OSCP1: variants seen among roughly 807,000 people sequenced by gnomAD.
OSCP1 encodes the protein protein OSCP1.
OSCP1 carries 35 observed loss-of-function variants against 45.1 expected under a neutral mutation model. The observed-to-expected ratio is 0.78, with a 90% CI of 0.59 to 1.03. The LOEUF (loss-of-function observed/expected upper bound fraction) is 1.03. Among genes scored for constraint, OSCP1 ranks in the 50% least tolerant of loss-of-function variants. The probability of loss-of-function intolerance (pLI) is 0.00; values close to 1 mark genes in which losing one functional copy is unlikely to be tolerated. For synonymous variants in OSCP1, 179 were observed against 180.1 expected (o/e 0.99, Z 0.05); for missense variants, 400 against 470.7 (o/e 0.85, Z 1.39).
intron 1 of OSCP1, 151 bp downstream of exon 1, chr1:36,450,107 G>T: frequency 1.6e-6 from 1 of 628,070 alleles, no homozygotes; most frequent in East Asian, 2.8e-5. Flanking sequence ...GACTCCCGAG[G>T]GGCTCCAAAT....
In OSCP1 at chr1:36,432,598, C is replaced by G. The variant is rs767861725; in HGVS notation, c.268-9G>C. 9.9e-6 allele frequency: 16 copies of G among 1,613,890 alleles called. No individual in the cohort carries two copies. The highest frequency in any genetic ancestry group is 1.4e-5 in the Non-Finnish European group (16 of 1,179,988). ...GTCATCAGGTCATAGAGCTGCCAAC[C>G]CACACACAAGCAAAAGAAATGGGAT... On this transcript the variant is annotated splice_polypyrimidine_tract_variant and intron_variant, in intron 2 of 9. Transcript: ENST00000235532.
intron 2 of OSCP1, among the ~76,000 whole-genome samples, chr1:36,436,259 A>C (rs1304170645): frequency 6.7e-6 from 1 of 149,632 alleles, no homozygotes; most frequent in Non-Finnish European, 1.5e-5. Context: ...GCCCACCACC[A>C]CACCGGGCTA....
Position 36,438,687 on chromosome 1 carries a change from CCA to C in OSCP1, c.267+67_267+68del, listed in dbSNP as rs951257324. 235 of 1,517,406 alleles carry C rather than the reference CCA, an allele frequency of 1.5e-4. No individual in the cohort carries two copies. The African/African-American group carries it at 3.2e-3, about 20-fold the overall frequency. 94.0% of individuals were successfully genotyped at this position (1,517,406 alleles called of 1,614,324 possible). On this transcript the variant is annotated intron_variant, in intron 2 of 9. Transcript: ENST00000235532. ...ATTGCATACATCATCTCATGTGACCCCAGTCTATGATCATCCACAAAAGGTAC... is the reference window on the plus strand; with the variant it reads ...ATTGCATACATCATCTCATGTGACCCGTCTATGATCATCCACAAAAGGTAC...
chr1:36,448,283 C>A (rs1201802490), intron 1 of OSCP1, among the ~76,000 whole-genome samples: 2 of 152,132 alleles, frequency 1.3e-5, no homozygotes, highest in Admixed American at 6.6e-5. Context: ...GACTACCTAC[C>A]AGTCTGAGGA....
Position 36,438,836 on chromosome 1 carries a change from A to G in OSCP1, c.187T>C (p.Ser63Pro). 1.9e-6 allele frequency: 3 copies of G among 1,614,182 alleles called. No homozygotes were observed. In the African/African-American group the frequency reaches 4.0e-5, roughly 22 times the overall value. ...TAGACAGTCCTCAGGGCCTTCTTGG[A>G]GTAGAGCTCTTGAGGCTTGAATAAT... ...EELFKPQELY[S>P]KKALRTVYER... The change falls in exon 2 of 10, where the codon TCC becomes CCC. Residue 63 changes from serine to proline, a missense_variant. Coordinates refer to ENST00000235532, the MANE Select transcript of OSCP1 (RefSeq NM_145047.5).
intron 4 of OSCP1, among the ~76,000 whole-genome samples, chr1:36,424,643 A>T (rs1298930203): frequency 1.3e-5 from 2 of 152,206 alleles, no homozygotes; most frequent in Non-Finnish European, 2.9e-5. Flanking sequence ...GATCCAGCTG[A>T]CATTTAAGTT....
intron 6 of OSCP1, among the ~76,000 whole-genome samples, chr1:36,422,552 A>G (rs1055777906): frequency 6.6e-6 from 1 of 152,154 alleles, no homozygotes; most frequent in Non-Finnish European, 1.5e-5. Context: ...GCTATTGAAC[A>G]TCATGTATCT....
At chr1:36,424,225 G>A (rs1647831880) in intron 4 of OSCP1, among the ~76,000 whole-genome samples, 1 of 152,204 alleles carries the variant, frequency 6.6e-6, no homozygotes, top group African/African-American at 2.4e-5. Flanking sequence ...ACAGGCGTGA[G>A]CCACCGTGCT....
At chr1:36,429,340 T>C (rs1374693772) in intron 4 of OSCP1, among the ~76,000 whole-genome samples, 4 of 151,378 alleles carry the variant, frequency 2.6e-5, no homozygotes, top group African/African-American at 9.7e-5. Flanking sequence ...GAGCCATGAT[T>C]GTGCCACCAT....
At position 36,450,305 on chromosome 1, in the gene OSCP1, T is replaced by C. The variant is rs1649824600; in HGVS notation, c.65A>G (p.Asp22Gly). Residue 22 changes from aspartate (D) to glycine (G), a missense_variant, in exon 1 of 10, where the codon GAC (aspartate) becomes GGC (glycine). Asp to Gly is a moderately conservative substitution (Grantham distance 94). Coordinates refer to ENST00000235532, the MANE Select transcript of OSCP1 (RefSeq NM_145047.5). ...GATGTTCTGGGCCCGCAGCCGTTGGTCGAGGATGTAAAGCATCTCCCCGCC... is the reference window on the plus strand; with the variant it reads ...GATGTTCTGGGCCCGCAGCCGTTGGCCGAGGATGTAAAGCATCTCCCCGCC... ...NLGGEMLYIL[D>G]QRLRAQNIPG... 3 of 1,613,432 alleles carry C rather than the reference T, an allele frequency of 1.9e-6. No individual in the cohort carries two copies. Among genetic ancestry groups the C allele is most frequent in the Non-Finnish European group, 2.5e-6 (3 of 1,179,838 alleles).
intron 1 of OSCP1, among the ~76,000 whole-genome samples, chr1:36,440,271 G>A (rs903860491): frequency 6.6e-6 from 1 of 152,156 alleles, no homozygotes; most frequent in African/African-American, 2.4e-5. Context: ...GGAGGGCTCA[G>A]GCCCGCATTT....
At chr1:36,434,502 C>A (rs931426337) in intron 2 of OSCP1, among the ~76,000 whole-genome samples, 1 of 152,146 alleles carries the variant, frequency 6.6e-6, no homozygotes, top group Non-Finnish European at 1.5e-5. Flanking sequence ...GTTATCCCAG[C>A]ACTTTGGGAG....
chr1:36,438,850 G>A lies in OSCP1; in HGVS notation c.173C>T (p.Pro58Leu). The A allele has an allele frequency of 1.2e-6, 2 of 1,614,172 alleles. No homozygotes were observed. Among genetic ancestry groups the A allele is most frequent in the Non-Finnish European group, 1.7e-6 (2 of 1,180,004 alleles). The change falls in exon 2 of 10, where the codon CCT becomes CTT. Residue 58 changes from proline (P) to leucine (L), a missense_variant. Physicochemically the swap from Pro to Leu is moderately conservative, Grantham distance 98. Coordinates refer to ENST00000235532, the MANE Select transcript of OSCP1 (RefSeq NM_145047.5). ...GGCCTTCTTGGAGTAGAGCTCTTGA[G>A]GCTTGAATAATTCCTCCATAAACTT... ...NRKFMEELFK[P>L]QELYSKKALR... is the part of the protein sequence containing the mutation.
chr1:36,423,266 G>T, intron 5 of OSCP1, 97 bp downstream of exon 5: 3 of 994,956 alleles, frequency 3.0e-6, no homozygotes, highest in Admixed American at 1.7e-5. Context: ...GGGCTGGGCA[G>T]ACTGTGAGTG....
At chr1:36,423,597 G>A (rs114936259) in intron 4 of OSCP1, 131 bp from the exon 5 acceptor site, 53,090 of 624,656 alleles carry the variant, frequency 0.085, 2,458 homozygotes, top group Middle Eastern at 0.15. Context: ...GGGAGAGGCT[G>A]GGCGCAGTGG....
In OSCP1 at chr1:36,440,233, A is replaced by G. The variant is rs373084457; in HGVS notation, c.113-1323T>C. On this transcript the variant is annotated intron_variant, in intron 1 of 9. Coordinates refer to ENST00000235532, the MANE Select transcript of OSCP1 (RefSeq NM_145047.5). ...TGAAGTGATTATTTTAGGCACTCTC[A>G]ACCTGTAAGTAATTGACAGAAGTAC... Among the ~76,000 whole-genome samples, 13 of 152,342 alleles carry G rather than the reference A, an allele frequency of 8.5e-5. No individual in the cohort carries two copies. In the South Asian group the frequency reaches 2.5e-3, roughly 29 times the overall value.
At chr1:36,426,678 C>T (rs945320646) in intron 4 of OSCP1, among the ~76,000 whole-genome samples, 1 of 152,156 alleles carries the variant, frequency 6.6e-6, no homozygotes, top group Non-Finnish European at 1.5e-5. Context: ...TGTCTGGTCT[C>T]CCTGCCTTCC....
chr1:36,448,608 G>A (rs1292852307), intron 1 of OSCP1, among the ~76,000 whole-genome samples: 1 of 152,214 alleles, frequency 6.6e-6, no homozygotes, highest in African/African-American at 2.4e-5. Context: ...AGGCTGCTAT[G>A]AGAGCATGCA....
At position 36,418,205 on chromosome 1, in the gene OSCP1, G is replaced by A. The variant is rs778532589; in HGVS notation, c.1074C>T (p.Ile358=). ...ELARIMGEFE[I]TEQPRLSTSK... ...TGGTGCTCAGCCTTGGCTGCTCCGT[G>A]ATCTCAAACTCCCCCATGATTCGAG... Residue 358 remains isoleucine (I), a synonymous_variant, in exon 10 of 10, where the codon ATC becomes ATT. Coordinates refer to ENST00000235532, the MANE Select transcript of OSCP1 (RefSeq NM_145047.5). The A allele has an allele frequency of 1.2e-5, 19 of 1,614,060 alleles. 1 individual carries two copies. The highest frequency in any genetic ancestry group is 3.3e-4 in the Middle Eastern group (2 of 6,084).
Sources: allele counts gnomAD v4.1 joint callset (sites outside exome capture counted in the v4.1 genomes callset), GRCh38; gene constraint gnomAD v4.1.1; transcripts MANE v1.5; gene names NCBI Gene and HGNC (gene_info 2026-07-23, HGNC 2026-07-21).